The following IQCM variants were observed in gnomAD, a reference collection of about 807,000 sequenced individuals.
IQCM encodes IQ domain-containing protein M.
Under a neutral mutation model 57.6 loss-of-function variants are expected in IQCM, and 45 were observed. The ratio of observed to expected loss-of-function variants is 0.78; its 90% CI spans 0.62 to 1.00. IQCM has a LOEUF of 1.00. IQCM is among the 50% of genes least tolerant of loss of function. The probability of loss-of-function intolerance (pLI) is 0.00; values close to 1 mark genes in which losing one functional copy is unlikely to be tolerated. For synonymous variants in IQCM, 148 were observed against 158.9 expected (o/e 0.93, Z 0.51); for missense variants, 468 against 511.6 (o/e 0.91, Z 0.82).
At chr4:149,815,504 A>G (rs1018766447) in intron 1 of IQCM, 96 bp downstream of exon 1, 2 of 151,152 alleles carry the variant, frequency 1.3e-5, no homozygotes, top group African/African-American at 4.9e-5. Flanking sequence ...ATTCCATGAG[A>G]AAAAAAAATG....
intron 2 of IQCM, among the ~76,000 whole-genome samples, chr4:149,747,612 G>A (rs1323718793): frequency 6.6e-6 from 1 of 152,208 alleles, no homozygotes; most frequent in Non-Finnish European, 1.5e-5. Context: ...TCCAACTACA[G>A]TAGATGATAG....
Position 149,376,006 on chromosome 4 carries a change from C to G in IQCM, c.1391-23940G>C, listed in dbSNP as rs189153791. Among the ~76,000 whole-genome samples the G allele has an allele frequency of 3.2e-3, 490 of 152,136 alleles. 1 individual carries two copies. Among genetic ancestry groups the G allele is most frequent in the African/African-American group, 0.011 (467 of 41,516 alleles). Reference sequence around the variant, plus strand: ...TACAATTAATATTTTGCTGTGTTTTCTTTATCATGCATCTCTCCATCTATT... The same window carrying G: ...TACAATTAATATTTTGCTGTGTTTTGTTTATCATGCATCTCTCCATCTATT... On this transcript the variant is annotated intron_variant, in intron 13 of 13. Transcript: ENST00000636793.
intron 5 of IQCM, among the ~76,000 whole-genome samples, chr4:149,700,467 G>A (rs1561173040): frequency 6.6e-6 from 1 of 151,834 alleles, no homozygotes; most frequent in Non-Finnish European, 1.5e-5. Flanking sequence ...GGCTGTTCTC[G>A]GTACCTTTAC....
intron 5 of IQCM, among the ~76,000 whole-genome samples, chr4:149,688,915 C>A (rs997993223): frequency 3.9e-5 from 6 of 152,012 alleles, no homozygotes; most frequent in African/African-American, 1.4e-4. Flanking sequence ...GAGAAAAAAA[C>A]TGGATCCTCA....
intron 9 of IQCM, among the ~76,000 whole-genome samples, chr4:149,574,851 C>T (rs944126278): frequency 1.3e-5 from 2 of 151,882 alleles, no homozygotes; most frequent in African/African-American, 2.4e-5. Context: ...ATACTTATTT[C>T]GGCTGTTGTA....
intron 12 of IQCM, among the ~76,000 whole-genome samples, chr4:149,538,020 A>T (rs868667856): frequency 9.2e-5 from 14 of 151,402 alleles, no homozygotes; most frequent in South Asian, 8.3e-4. Flanking sequence ...AAATGTATTT[A>T]TATATATATG....
intron 8 of IQCM, among the ~76,000 whole-genome samples, chr4:149,611,548 G>A (rs1381190774): frequency 2.0e-5 from 3 of 152,108 alleles, no homozygotes; most frequent in African/African-American, 7.2e-5. Flanking sequence ...GAATGGAACT[G>A]GAGGACATTA....
At chr4:149,446,669 A>T (rs906306963) in intron 12 of IQCM, among the ~76,000 whole-genome samples, 3 of 151,584 alleles carry the variant, frequency 2.0e-5, no homozygotes, top group Non-Finnish European at 4.4e-5. Flanking sequence ...TCAGGTTAAA[A>T]ATTCAAATGA....
At chr4:149,490,668 T>C (rs1741997966) in intron 12 of IQCM, among the ~76,000 whole-genome samples, 1 of 152,116 alleles carries the variant, frequency 6.6e-6, no homozygotes, top group Non-Finnish European at 1.5e-5. Context: ...ATTTTCCTCA[T>C]GGTCCAACAC....
intron 8 of IQCM, among the ~76,000 whole-genome samples, chr4:149,597,318 C>T (rs1031424673): frequency 6.6e-6 from 1 of 152,122 alleles, no homozygotes; most frequent in African/African-American, 2.4e-5. Context: ...AGAGTAAGGA[C>T]AATGACAATT....
At chr4:149,376,221 T>C (rs1484624068) in intron 13 of IQCM, among the ~76,000 whole-genome samples, 2 of 152,176 alleles carry the variant, frequency 1.3e-5, no homozygotes, top group Non-Finnish European at 2.9e-5. Context: ...TGGGACTTTG[T>C]GACTCAGATC....
At chr4:149,675,906 T>C (rs1377761920) in intron 7 of IQCM, among the ~76,000 whole-genome samples, 3 of 152,026 alleles carry the variant, frequency 2.0e-5, no homozygotes, top group Non-Finnish European at 4.4e-5. Flanking sequence ...ATTCTTTCCT[T>C]GAGGATTACA....
At chr4:149,775,642 A>G (rs1771022022) in intron 2 of IQCM, among the ~76,000 whole-genome samples, 3 of 145,514 alleles carry the variant, frequency 2.1e-5, no homozygotes, top group Non-Finnish European at 3.1e-5. Flanking sequence ...AATTTATTAT[A>G]GATACATCTC....
At chr4:149,674,475 A>G (rs1011469625) in intron 7 of IQCM, among the ~76,000 whole-genome samples, 1 of 152,132 alleles carries the variant, frequency 6.6e-6, no homozygotes, top group Non-Finnish European at 1.5e-5. Context: ...ATATCTTGAT[A>G]TCGTAAATGC....
chr4:149,472,972 T>A (rs532723649), intron 12 of IQCM, among the ~76,000 whole-genome samples: 7 of 152,218 alleles, frequency 4.6e-5, no homozygotes, highest in African/African-American at 1.7e-4. Flanking sequence ...AAAAATTAAT[T>A]CAAGATGGAT....
chr4:149,569,303 C>T (rs948029505), intron 9 of IQCM, among the ~76,000 whole-genome samples: 1 of 152,090 alleles, frequency 6.6e-6, no homozygotes, highest in Non-Finnish European at 1.5e-5. Context: ...TTGATTTTTT[C>T]AAAGATTTTG....
At chr4:149,592,746 T>C (rs924861808) in intron 8 of IQCM, among the ~76,000 whole-genome samples, 2 of 152,264 alleles carry the variant, frequency 1.3e-5, no homozygotes, top group South Asian at 4.1e-4. Context: ...TTGTCAGGTT[T>C]GTCAAAGATC....
At chr4:149,359,115 T>C (rs988649950) in intron 13 of IQCM, among the ~76,000 whole-genome samples, 1 of 152,170 alleles carries the variant, frequency 6.6e-6, no homozygotes, top group African/African-American at 2.4e-5. Context: ...TTCCAGTTCA[T>C]GTCACTTGTG....
At chr4:149,443,962 A>T (rs562996722) in intron 12 of IQCM, among the ~76,000 whole-genome samples, 1 of 151,880 alleles carries the variant, frequency 6.6e-6, no homozygotes, top group East Asian at 1.9e-4. Context: ...AGTAGGGGAG[A>T]TTGATAATTC....
Sources: allele counts gnomAD v4.1 joint callset (sites outside exome capture counted in the v4.1 genomes callset), GRCh38; gene constraint gnomAD v4.1.1; transcripts MANE v1.5; gene names NCBI Gene and HGNC (gene_info 2026-07-23, HGNC 2026-07-21).